FOXP2: variants seen among roughly 807,000 people sequenced by gnomAD.
The protein encoded by FOXP2 is forkhead box protein P2.
Under a neutral mutation model 115.8 loss-of-function variants are expected in FOXP2, and 12 were observed. The ratio of observed to expected loss-of-function variants is 0.10; its 90% CI spans 0.07 to 0.17. FOXP2 has a LOEUF of 0.17. Ranked by LOEUF, FOXP2 falls within the 10% of genes least tolerant of loss-of-function variation. The pLI, the probability that FOXP2 is intolerant of heterozygous loss-of-function variation, is 1.00. For missense variants in FOXP2, 629 were observed against 843.5 expected (o/e 0.75, Z 3.15); for synonymous variants, 328 against 297.7 (o/e 1.10, Z -1.05).
chr7:114,106,385 T>C (rs1335774586), intron 1 of FOXP2, among the ~76,000 whole-genome samples: 1 of 151,588 alleles, frequency 6.6e-6, no homozygotes, highest in Non-Finnish European at 1.5e-5. Context: ...TTTTTATTTG[T>C]TTGGTGGCAT....
In FOXP2 at chr7:114,202,091, G is replaced by C. The variant is rs184616570; in HGVS notation, c.-102+39003G>C. On this transcript the variant is annotated intron_variant, in intron 1 of 17. Coordinates refer to the FOXP2 transcript ENST00000634411. ...TGAATCCTCAGAAACCATCCAGAGG[G>C]AAGAGGATCTGGATGAGTACTGATG... is the stretch of plus-strand genomic sequence containing the variant. Among the ~76,000 whole-genome samples the C allele has an allele frequency of 1.2e-4, 18 of 151,804 alleles. No individual in the cohort carries two copies. The East Asian group carries it at 2.9e-3, about 25-fold the overall frequency.
intron 1 of FOXP2, among the ~76,000 whole-genome samples, chr7:114,209,291 T>C (rs952407874): frequency 3.3e-5 from 5 of 152,238 alleles, no homozygotes; most frequent in Non-Finnish European, 5.9e-5. Context: ...TCTCCAGCCA[T>C]GCTGAACTGT....
At chr7:114,595,914 G>C (rs1802672804) in intron 3 of FOXP2, among the ~76,000 whole-genome samples, 1 of 151,770 alleles carries the variant, frequency 6.6e-6, no homozygotes, top group African/African-American at 2.4e-5. Context: ...ATAAGAGTTG[G>C]GAATCTTATT....
chr7:114,674,306 A>G (rs1009597914), intron 16 of FOXP2, among the ~76,000 whole-genome samples: 3 of 152,228 alleles, frequency 2.0e-5, no homozygotes, highest in Admixed American at 6.5e-5. Context: ...GGCATTTTCT[A>G]CTTATATCCT....
chr7:114,598,486 T>C (rs1435537632), intron 3 of FOXP2, among the ~76,000 whole-genome samples: 1 of 152,164 alleles, frequency 6.6e-6, no homozygotes, highest in Non-Finnish European at 1.5e-5. Context: ...GAAGTTTCTC[T>C]AATGGTGGGC....
intron 2 of FOXP2, among the ~76,000 whole-genome samples, chr7:114,465,469 T>G (rs1795762535): frequency 6.6e-6 from 1 of 152,194 alleles, no homozygotes; most frequent in South Asian, 2.1e-4. Context: ...CCCATTTTAT[T>G]TGATTCTAGG....
At chr7:114,118,035 G>T (rs1791455846) in intron 1 of FOXP2, among the ~76,000 whole-genome samples, 1 of 152,086 alleles carries the variant, frequency 6.6e-6, no homozygotes, top group South Asian at 2.1e-4. Flanking sequence ...CTCATTGGAG[G>T]TTAGACTTCT....
chr7:114,564,258 T>G (rs1800893445), intron 3 of FOXP2, among the ~76,000 whole-genome samples: 1 of 152,076 alleles, frequency 6.6e-6, no homozygotes, highest in South Asian at 2.1e-4. Flanking sequence ...TTTTTACTTC[T>G]TTTTCCCAAG....
chr7:114,218,330 ATAC>A (rs1794534337), intron 1 of FOXP2, among the ~76,000 whole-genome samples: 1 of 152,184 alleles, frequency 6.6e-6, no homozygotes, highest in Admixed American at 6.5e-5. Flanking sequence ...CATGGGTTAG[ATAC>A]ATATATTGTT....
At chr7:114,156,786 T>C (rs1340080716) in intron 1 of FOXP2, among the ~76,000 whole-genome samples, 2 of 152,168 alleles carry the variant, frequency 1.3e-5, no homozygotes, top group Non-Finnish European at 2.9e-5. Flanking sequence ...ATATTGTATG[T>C]AGTGGGCCTT....
chr7:114,252,908 C>T (rs1795491123), intron 1 of FOXP2, among the ~76,000 whole-genome samples: 1 of 152,032 alleles, frequency 6.6e-6, no homozygotes, highest in South Asian at 2.1e-4. Context: ...TAGATCTTTC[C>T]TGCTTTCTCT....
chr7:114,321,578 T>C (rs531854116), intron 2 of FOXP2, among the ~76,000 whole-genome samples: 1 of 152,300 alleles, frequency 6.6e-6, no homozygotes, highest in East Asian at 1.9e-4. Context: ...CAAACAATTG[T>C]TTAGAGCAGC....
chr7:114,689,323 T>TA (rs367567433), intron 16 of FOXP2, among the ~76,000 whole-genome samples: 8 of 151,402 alleles, frequency 5.3e-5, no homozygotes, highest in East Asian at 3.9e-4. Flanking sequence ...CTGGAGAGTT[T>TA]AAAAAAAAAT....
intron 1 of FOXP2, among the ~76,000 whole-genome samples, chr7:114,091,519 G>C (rs1480904327): frequency 6.6e-6 from 1 of 151,852 alleles, no homozygotes; most frequent in African/African-American, 2.4e-5. Flanking sequence ...TAATTGGAGT[G>C]ATTAGGAATT....
chr7:114,538,490 G>A (rs1799501596), intron 3 of FOXP2: 1 of 557,064 alleles, frequency 1.8e-6, no homozygotes, highest in Non-Finnish European at 2.8e-6. Context: ...TTTCTAATAG[G>A]TAATTGAATT....
At chr7:114,521,895 T>C (rs1798644308) in intron 2 of FOXP2, among the ~76,000 whole-genome samples, 1 of 152,168 alleles carries the variant, frequency 6.6e-6, no homozygotes, top group Non-Finnish European at 1.5e-5. Flanking sequence ...AATGCTACTT[T>C]CTTTACTTAG....
chr7:114,379,347 G>A (rs930067503), intron 2 of FOXP2, among the ~76,000 whole-genome samples: 2 of 152,092 alleles, frequency 1.3e-5, no homozygotes, highest in African/African-American at 2.4e-5. Context: ...AGGTGGATGC[G>A]GTCACCTTCC....
intron 1 of FOXP2, among the ~76,000 whole-genome samples, chr7:114,128,219 G>A (rs975451821): frequency 1.3e-5 from 2 of 152,094 alleles, no homozygotes; most frequent in Non-Finnish European, 1.5e-5. Context: ...AAAGACCTTG[G>A]TTTTAATGTG....
intron 2 of FOXP2, among the ~76,000 whole-genome samples, chr7:114,332,019 T>C (rs1797727066): frequency 6.6e-6 from 1 of 152,092 alleles, no homozygotes; most frequent in Non-Finnish European, 1.5e-5. Context: ...CGAAAAAGCA[T>C]ACCCACTTAC....
Sources: gnomAD v4.1 joint callset for allele counts (sites outside exome capture counted in the v4.1 genomes callset) on GRCh38, gnomAD v4.1.1 for gene constraint, MANE v1.5 for transcripts, NCBI Gene and HGNC (gene_info 2026-07-23, HGNC 2026-07-21) for gene names.